CSPP1: variants seen among roughly 807,000 people sequenced by gnomAD.
CSPP1 encodes the protein centrosome and spindle pole-associated protein 1.
In CSPP1, 126 loss-of-function variants were observed where a neutral mutation model predicts 164.4. That is an observed-to-expected ratio of 0.77 (90% CI 0.66 to 0.89). The LOEUF (loss-of-function observed/expected upper bound fraction) is 0.89, where lower values mean the gene tolerates loss of function less well. CSPP1 is among the 40% of genes least tolerant of loss of function. The pLI, the probability that CSPP1 is intolerant of heterozygous loss-of-function variation, is 0.00. For missense variants in CSPP1, 1,395 were observed against 1,449.8 expected, an observed-to-expected ratio of 0.96 and a Z score of 0.61; for synonymous variants, 472 against 476.7, an observed-to-expected ratio of 0.99 and a Z score of 0.13.
intron 9 of CSPP1, among the ~76,000 whole-genome samples, chr8:67,109,348 CAAG>C (rs934934774): frequency 6.6e-6 from 1 of 152,170 alleles, no homozygotes; most frequent in Non-Finnish European, 1.5e-5. Context: ...TTTATGCCAG[CAAG>C]AAGAATCTCT....
rs759965434 is a variant in CSPP1, at chr8:67,112,026, T to C, written c.1148T>C (p.Leu383Pro). 6.2e-7 allele frequency: 1 copy of C among 1,612,318 alleles called. No individual in the cohort carries two copies. The highest frequency in any genetic ancestry group is 8.5e-7 in the Non-Finnish European group (1 of 1,179,050). The change falls in exon 10 of 31, where the codon CTG (leucine) becomes CCG (proline). Residue 383 changes from leucine (L) to proline (P), a missense_variant. Physicochemically the swap from Leu to Pro is moderately conservative, Grantham distance 98 (BLOSUM62 -3). Transcript: ENST00000678616. ...QRRKEKYRLELLEQMAEQQRN... is the reference protein window; with the variant it reads ...QRRKEKYRLEPLEQMAEQQRN... ...AGGAAAGAGAAATACAGACTAGAAC[T>C]GTTGGAACAAATGGCTGAGCAACAG...
intron 24 of CSPP1, among the ~76,000 whole-genome samples, chr8:67,167,473 G>C (rs1302604130): frequency 1.3e-5 from 2 of 151,484 alleles, no homozygotes; most frequent in African/African-American, 2.4e-5. Context: ...GGCGGCTGCT[G>C]GGCGGAGGGG....
chr8:67,160,055 T>G (rs1445075368), intron 21 of CSPP1, among the ~76,000 whole-genome samples: 1 of 135,120 alleles, frequency 7.4e-6, no homozygotes, highest in Non-Finnish European at 1.5e-5. Flanking sequence ...TTTTCTTTCT[T>G]TTTGTTTTAA....
intron 28 of CSPP1, among the ~76,000 whole-genome samples, chr8:67,188,165 C>A (rs930421666): frequency 1.3e-5 from 2 of 152,172 alleles, no homozygotes; most frequent in African/African-American, 4.8e-5. Context: ...CCAAAATACA[C>A]AAAGAAATCT....
chr8:67,177,954 A>G (rs1209708487), intron 27 of CSPP1, among the ~76,000 whole-genome samples: 2 of 152,180 alleles, frequency 1.3e-5, no homozygotes, highest in Non-Finnish European at 2.9e-5. Flanking sequence ...CAGTGAGTCT[A>G]TTTTTAGCTG....
chr8:67,154,294 T>C (rs1420366005), intron 19 of CSPP1, among the ~76,000 whole-genome samples, 158 bp downstream of exon 19: 4 of 152,180 alleles, frequency 2.6e-5, no homozygotes, highest in African/African-American at 9.6e-5. Flanking sequence ...ACAAAAGTTA[T>C]TTCATTTCAA....
At chr8:67,147,696 G>A (rs1824875837) in intron 17 of CSPP1, among the ~76,000 whole-genome samples, 1 of 151,884 alleles carries the variant, frequency 6.6e-6, no homozygotes. Flanking sequence ...CCTCCGAGAT[G>A]CTGTCCAGAC....
chr8:67,144,433 G>A lies in CSPP1; in HGVS notation c.1976-5350G>A, dbSNP rs765947847. Among the ~76,000 whole-genome samples, 8 of 151,878 alleles carry A rather than the reference G, an allele frequency of 5.3e-5. No homozygotes were observed. In the South Asian group the frequency reaches 1.5e-3, roughly 28 times the overall value. On this transcript the variant is annotated intron_variant, in intron 17 of 30. Transcript: ENST00000678616. ...AATTCTGGCCTGATAACATGAATTG[G>A]GAAATGTTTTTTCTTTTGTTTTTTG...
intron 3 of CSPP1, among the ~76,000 whole-genome samples, chr8:67,078,267 T>C (rs1317908843): frequency 2.6e-5 from 4 of 152,194 alleles, no homozygotes; most frequent in Non-Finnish European, 2.9e-5. Context: ...AAAGTCGTTA[T>C]GGGCGAAAGT....
intron 24 of CSPP1, among the ~76,000 whole-genome samples, chr8:67,171,977 A>C (rs1048869067): frequency 1.1e-4 from 16 of 151,820 alleles, no homozygotes; most frequent in African/African-American, 3.4e-4. Context: ...CCTCCCGAGT[A>C]GCTGGGACTA....
chr8:67,086,259 T>C, intron 4 of CSPP1, 149 bp downstream of exon 4: 1 of 733,212 alleles, frequency 1.4e-6, no homozygotes, highest in South Asian at 1.4e-5. Flanking sequence ...GTGGCATATA[T>C]GACATTGGTA....
chr8:67,164,147 A>G (rs1435339973), intron 23 of CSPP1, among the ~76,000 whole-genome samples: 1 of 152,258 alleles, frequency 6.6e-6, no homozygotes, highest in Non-Finnish European at 1.5e-5. Context: ...CCTCTCCTTT[A>G]TAGTTGCACT....
rs148930801 is a variant in CSPP1, at chr8:67,177,669, A to G, written c.3110-11A>G. ...ACCTTTTAATTTGCTTTTGTTCTCC[A>G]TTGACTACAGTTGACTTAGATGCCA... is the stretch of plus-strand genomic sequence containing the variant. On this transcript the variant is annotated splice_polypyrimidine_tract_variant and intron_variant, in intron 26 of 30. Coordinates refer to ENST00000678616, the MANE Select transcript of CSPP1 (RefSeq NM_001382391.1). 2,128 of 1,600,906 alleles carry G rather than the reference A, an allele frequency of 1.3e-3. 32 individuals are homozygous for G. The African/African-American group carries it at 0.026, about 19-fold the overall frequency.
chr8:67,137,325 A>T lies in CSPP1; in HGVS notation c.1828-131A>T, dbSNP rs1586424097. ...GTGATTTTAACCTTTGTAGGGGGGT[A>T]CACTGGGGAAAAAAAAAAAAGCAAA... On this transcript the variant is annotated intron_variant, in intron 16 of 30. Coordinates refer to ENST00000678616, the MANE Select transcript of CSPP1 (RefSeq NM_001382391.1). 6.8e-6 allele frequency: 4 copies of T among 586,984 alleles called. No individual in the cohort carries two copies. In the East Asian group the frequency reaches 9.4e-5, roughly 14 times the overall value. The allele number at this position is 586,984 out of a possible 1,614,324, so 36.4% of individuals were successfully genotyped here.
intron 15 of CSPP1, among the ~76,000 whole-genome samples, chr8:67,125,981 C>T (rs1402980942): frequency 1.3e-5 from 2 of 152,150 alleles, no homozygotes; most frequent in South Asian, 2.1e-4. Flanking sequence ...TACAGGCATG[C>T]GCCACCACGC....
intron 18 of CSPP1, among the ~76,000 whole-genome samples, chr8:67,151,748 C>CT (rs933598801): frequency 1.7e-4 from 26 of 151,866 alleles, no homozygotes; most frequent in East Asian, 5.8e-4. Context: ...TTAAAACTTC[C>CT]TTTTTTTTGT....
intron 20 of CSPP1, 84 bp from the exon 21 acceptor site, chr8:67,158,907 T>A: frequency 8.7e-7 from 1 of 1,145,574 alleles, no homozygotes; most frequent in Non-Finnish European, 1.2e-6. Context: ...TTTATCTCAT[T>A]TTATCAGATA....
intron 5 of CSPP1, 52 bp from the exon 6 acceptor site, chr8:67,093,491 T>G (rs1342887286): frequency 8.6e-6 from 10 of 1,156,184 alleles, no homozygotes; most frequent in Admixed American, 3.5e-5. Context: ...ATTGAGGGAT[T>G]TTTTTTTCCT....
At chr8:67,193,629 AG>A in intron 30 of CSPP1, 27 bp downstream of exon 30, 1 of 1,590,740 alleles carries the variant, frequency 6.3e-7, no homozygotes, top group Non-Finnish European at 8.6e-7. Context: ...AATGGCCTAT[AG>A]TAGAATCCTG....
Sources: gnomAD v4.1 joint callset for allele counts (sites outside exome capture counted in the v4.1 genomes callset) on GRCh38, gnomAD v4.1.1 for gene constraint, MANE v1.5 for transcripts, NCBI Gene and HGNC (gene_info 2026-07-23, HGNC 2026-07-21) for gene names.